The following ZFAT variants were observed in gnomAD, a reference collection of about 807,000 sequenced individuals.
The protein encoded by ZFAT is zinc finger and AT-hook domain containing, also known as zinc finger protein ZFAT.
ZFAT carries 64 observed loss-of-function variants against 117.7 expected under a neutral mutation model. The observed-to-expected ratio is 0.54, with a 90% CI of 0.44 to 0.67. The LOEUF is 0.67. Among genes scored for constraint, ZFAT ranks in the 30% least tolerant of loss-of-function variants. The pLI is 0.00. For missense variants in ZFAT, 1,433 were observed against 1,584.5 expected, an observed-to-expected ratio of 0.90 and a Z score of 1.62; for synonymous variants, 679 against 615.0, an observed-to-expected ratio of 1.10 and a Z score of -1.54.
the ZFAT span, among the ~76,000 whole-genome samples, chr8:134,768,755 ACAGT>A: frequency 1.3e-5 from 2 of 152,262 alleles, no homozygotes; most frequent in Non-Finnish European, 2.9e-5. Flanking sequence ...GGGTGGGGAC[ACAGT>A]CAAACCATAT....
chr8:134,670,991 T>C (rs1190167184), intron 1 of ZFAT, among the ~76,000 whole-genome samples: 1 of 152,086 alleles, frequency 6.6e-6, no homozygotes, highest in African/African-American at 2.4e-5. Context: ...GTAAATAAAC[T>C]AGAAAATCTA....
intron 15 of ZFAT, among the ~76,000 whole-genome samples, chr8:134,494,922 A>G (rs1818322909): frequency 6.6e-6 from 1 of 152,170 alleles, no homozygotes; most frequent in African/African-American, 2.4e-5. Context: ...TCTTATGCTG[A>G]AACCCCAGAA....
intron 5 of ZFAT, among the ~76,000 whole-genome samples, chr8:134,603,716 C>G (rs1282290146): frequency 1.3e-5 from 2 of 152,220 alleles, no homozygotes; most frequent in Non-Finnish European, 2.9e-5. Context: ...CTGGGGTGAG[C>G]ATGGGATACA....
intron 5 of ZFAT, among the ~76,000 whole-genome samples, chr8:134,604,986 T>C (rs7013345): frequency 0.11 from 16,302 of 152,264 alleles, 1,110 homozygotes; most frequent in East Asian, 0.36. Context: ...TCTCCTCTAC[T>C]GCAAGATCTA....
In ZFAT at chr8:134,654,100, C is replaced by T. The variant is rs534203525; in HGVS notation, c.196+3461G>A. On this transcript the variant is annotated intron_variant, in intron 2 of 15. Coordinates refer to ENST00000377838, the MANE Select transcript of ZFAT (RefSeq NM_020863.4). The stretch of plus-strand genomic sequence containing the variant: ...TCACCTGAAGTCAGAAGTTCAAGAC[C>T]AGCCTGGCCAACATGGCAAATCCAT... Among the ~76,000 whole-genome samples, 8 of 152,184 alleles carry T rather than the reference C, an allele frequency of 5.3e-5. No homozygotes were observed. In the South Asian group the frequency reaches 1.7e-3, roughly 32 times the overall value.
At chr8:134,629,340 G>A (rs970566178) in intron 3 of ZFAT, among the ~76,000 whole-genome samples, 3 of 152,084 alleles carry the variant, frequency 2.0e-5, no homozygotes, top group Non-Finnish European at 4.4e-5. Context: ...GGTGAAATCA[G>A]GCAAATGGAT....
At chr8:134,671,928 G>A (rs958848811) in intron 1 of ZFAT, among the ~76,000 whole-genome samples, 1 of 152,200 alleles carries the variant, frequency 6.6e-6, no homozygotes, top group Non-Finnish European at 1.5e-5. Flanking sequence ...AAATCAATGT[G>A]CAAAGATCAC....
the ZFAT span, chr8:134,797,905 A>G: frequency 6.6e-6 from 1 of 151,974 alleles, no homozygotes; most frequent in Non-Finnish European, 1.5e-5. Flanking sequence ...AAACCTCTCA[A>G]TATGAAGTCA....
the ZFAT span, among the ~76,000 whole-genome samples, chr8:134,789,799 G>A: frequency 3.3e-5 from 5 of 152,270 alleles, no homozygotes; most frequent in Admixed American, 1.3e-4. Flanking sequence ...CATTCCTGAT[G>A]TCTTTGGTCA....
chr8:134,748,452 T>A, the ZFAT span, among the ~76,000 whole-genome samples: 1 of 152,216 alleles, frequency 6.6e-6, no homozygotes, highest in African/African-American at 2.4e-5. Context: ...CTGATTTGAT[T>A]TGCTTATTTT....
At chr8:134,748,306 G>A in the ZFAT span, among the ~76,000 whole-genome samples, 1 of 152,176 alleles carries the variant, frequency 6.6e-6, no homozygotes, top group Non-Finnish European at 1.5e-5. Flanking sequence ...TTTATTGCCT[G>A]AGGATGCATC....
intron 13 of ZFAT, among the ~76,000 whole-genome samples, chr8:134,515,091 G>C (rs1181264445): frequency 1.3e-5 from 2 of 152,132 alleles, no homozygotes; most frequent in South Asian, 2.1e-4. Flanking sequence ...AGTTTGCTGA[G>C]AATGATGGTT....
At chr8:134,696,376 C>T in intron 1 of ZFAT, 1 of 985,632 alleles carries the variant, frequency 1.0e-6, no homozygotes, top group Non-Finnish European at 1.2e-6. Context: ...ACCTCTGAAA[C>T]CACCCAGGAA....
intron 11 of ZFAT, among the ~76,000 whole-genome samples, chr8:134,559,524 G>C (rs1249176297): frequency 6.6e-6 from 1 of 152,186 alleles, no homozygotes. Context: ...TCATGCATCT[G>C]CAAGTATATC....
chr8:134,803,398 T>C, the ZFAT span, among the ~76,000 whole-genome samples: 1 of 152,162 alleles, frequency 6.6e-6, no homozygotes. Flanking sequence ...TTCACTGCTA[T>C]TTGAGTCTAA....
intron 15 of ZFAT, among the ~76,000 whole-genome samples, chr8:134,497,964 G>A (rs534504581): frequency 5.5e-5 from 8 of 146,194 alleles, no homozygotes; most frequent in Admixed American, 4.0e-4. Context: ...ATTTGGTAGG[G>A]TTGGGGTGGA....
rs562766842 is a variant in ZFAT, at chr8:134,550,423, G to A, written c.2976+14910C>T. Among the ~76,000 whole-genome samples the A allele has an allele frequency of 4.6e-5, 7 of 150,870 alleles. No individual in the cohort carries two copies. In the South Asian group the frequency reaches 1.5e-3, roughly 32 times the overall value. On this transcript the variant is annotated intron_variant, in intron 11 of 15. Transcript: ENST00000377838. ...ATCTTGGTTTTAAAATAAGGCCAGA[G>A]ACAAATTAAACAATTTAAGAGAATA...
intron 3 of ZFAT, among the ~76,000 whole-genome samples, chr8:134,631,270 T>G (rs1829871365): frequency 6.6e-6 from 1 of 152,194 alleles, no homozygotes; most frequent in Non-Finnish European, 1.5e-5. Context: ...AAAATAAGCA[T>G]CAGGAATCCA....
intron 13 of ZFAT, 132 bp from the exon 14 acceptor site, chr8:134,512,733 AC>A: frequency 8.4e-7 from 1 of 1,194,284 alleles, no homozygotes; most frequent in Non-Finnish European, 1.1e-6. Context: ...TTTACCTGGC[AC>A]CCCTGAGAAA....
Sources: gnomAD v4.1 joint callset for allele counts (sites outside exome capture counted in the v4.1 genomes callset) on GRCh38, gnomAD v4.1.1 for gene constraint, MANE v1.5 for transcripts, NCBI Gene and HGNC (gene_info 2026-07-23, HGNC 2026-07-21) for gene names.